EVI5: variants seen among roughly 807,000 people sequenced by gnomAD.
EVI5 encodes the protein ecotropic viral integration site 5 protein homolog.
A neutral mutation model predicts 112.0 loss-of-function variants in EVI5; 73 were observed. That is an observed-to-expected ratio of 0.65 (90% CI 0.54 to 0.79). EVI5 has a LOEUF of 0.79. Ranked by LOEUF, EVI5 falls within the 30% of genes least tolerant of loss-of-function variation. The pLI, the probability that EVI5 is intolerant of heterozygous loss-of-function variation, is 0.00. For synonymous variants in EVI5, 305 were observed against 319.9 expected (o/e 0.95, Z 0.50); for missense variants, 900 against 968.8 (o/e 0.93, Z 0.94).
chr1:92,574,593 A>G (rs1268663472), intron 18 of EVI5, among the ~76,000 whole-genome samples: 1 of 152,164 alleles, frequency 6.6e-6, no homozygotes, highest in East Asian at 1.9e-4. Context: ...ATATTGAAAA[A>G]CACTGGGGAG....
At chr1:92,588,953 G>A (rs1673246459) in intron 18 of EVI5, among the ~76,000 whole-genome samples, 1 of 152,144 alleles carries the variant, frequency 6.6e-6, no homozygotes, top group African/African-American at 2.4e-5. Flanking sequence ...TACCCTCAAT[G>A]AACTTCAGCT....
chr1:92,782,206 C>T (rs1684954820), intron 1 of EVI5, among the ~76,000 whole-genome samples: 2 of 151,748 alleles, frequency 1.3e-5, no homozygotes, highest in Admixed American at 1.3e-4. Flanking sequence ...TGCAGTGAGC[C>T]GAGATCGCGC....
chr1:92,685,920 A>G (rs79226593), intron 9 of EVI5, among the ~76,000 whole-genome samples: 1 of 152,202 alleles, frequency 6.6e-6, no homozygotes, highest in South Asian at 2.1e-4. Context: ...CCTACCAACC[A>G]AAAAAAGTCC....
intron 13 of EVI5, among the ~76,000 whole-genome samples, chr1:92,648,795 T>C (rs1239696871): frequency 6.6e-6 from 1 of 152,236 alleles, no homozygotes; most frequent in African/African-American, 2.4e-5. Flanking sequence ...GATTTTTGGG[T>C]TGTGTCCACT....
Position 92,695,464 on chromosome 1 carries a change from G to A in EVI5, c.766-11C>T. The A allele has an allele frequency of 6.4e-7, 1 of 1,560,378 alleles. No individual in the cohort carries two copies. Among genetic ancestry groups the A allele is most frequent in the Non-Finnish European group, 8.7e-7 (1 of 1,145,938 alleles). ...CTCTGGAAGATGCTCCTAAAGAGAA[G>A]AAAATAATTAGTTATAACACAGTAA... On this transcript the variant is annotated splice_polypyrimidine_tract_variant and intron_variant, in intron 6 of 19. Coordinates refer to ENST00000684568, the MANE Select transcript of EVI5 (RefSeq NM_001350197.2).
intron 19 of EVI5, among the ~76,000 whole-genome samples, chr1:92,561,601 A>ATCCT (rs757233659): frequency 5.5e-4 from 70 of 128,368 alleles, no homozygotes; most frequent in East Asian, 1.3e-3. Context: ...CTATCTATCT[A>ATCCT]ATCTATCCTA....
At chr1:92,721,048 G>C (rs931103895) in intron 2 of EVI5, among the ~76,000 whole-genome samples, 1 of 152,186 alleles carries the variant, frequency 6.6e-6, no homozygotes, top group Non-Finnish European at 1.5e-5. Context: ...AGAGGATGTG[G>C]AGAAATAGGA....
intron 14 of EVI5, 82 bp from the exon 15 acceptor site, chr1:92,626,016 A>C: frequency 1.3e-6 from 1 of 784,818 alleles, no homozygotes. Context: ...TGTGTTCCAC[A>C]CTTAAATGTA....
intron 2 of EVI5, among the ~76,000 whole-genome samples, chr1:92,718,332 C>A (rs1674125197): frequency 6.6e-6 from 1 of 152,032 alleles, no homozygotes; most frequent in African/African-American, 2.4e-5. Flanking sequence ...ACAGAAATCA[C>A]AACAAACGGT....
At chr1:92,703,646 T>C (rs754502409) in intron 3 of EVI5, 27 bp from the exon 4 acceptor site, 1 of 1,406,488 alleles carries the variant, frequency 7.1e-7, no homozygotes, top group Non-Finnish European at 9.8e-7. Flanking sequence ...ATTACAAAAA[T>C]GAATTATTTA....
chr1:92,695,322 G>T lies in EVI5; in HGVS notation c.897C>A (p.Ile299=), dbSNP rs1670136320. 2 of 1,610,540 alleles carry T rather than the reference G, an allele frequency of 1.2e-6. No homozygotes were observed. The highest frequency in any genetic ancestry group is 2.7e-5 in the African/African-American group (2 of 74,774). Residue 299 remains isoleucine (I), a synonymous_variant, in exon 7 of 20, where the codon ATC becomes ATA. Transcript: ENST00000684568. ...CCCATTAGCTTACCTCAGACATAAAGATATCAAATATCCTTGTTGCAATTG... is the reference window on the plus strand; with the variant it reads ...CCCATTAGCTTACCTCAGACATAAATATATCAAATATCCTTGTTGCAATTG... ...PLPIATRIFD[I]FMSEGLEIVF...
At chr1:92,523,923 T>G (rs1661395481) in intron 19 of EVI5, among the ~76,000 whole-genome samples, 1 of 151,758 alleles carries the variant, frequency 6.6e-6, no homozygotes, top group Non-Finnish European at 1.5e-5. Flanking sequence ...CTGACTCTAC[T>G]AAAAATATAA....
intron 19 of EVI5, among the ~76,000 whole-genome samples, chr1:92,549,691 T>C (rs1317172177): frequency 6.6e-6 from 1 of 152,148 alleles, no homozygotes; most frequent in Non-Finnish European, 1.5e-5. Context: ...GGGCAAAGCA[T>C]ATGAACAGAC....
intron 1 of EVI5, among the ~76,000 whole-genome samples, chr1:92,740,973 C>T (rs972699194): frequency 2.3e-4 from 35 of 152,216 alleles, no homozygotes; most frequent in African/African-American, 8.4e-4. Context: ...ACGTAGATTC[C>T]ATGCAACTCC....
intron 1 of EVI5, among the ~76,000 whole-genome samples, chr1:92,751,620 G>T (rs1680208948): frequency 1.3e-5 from 2 of 151,164 alleles, no homozygotes; most frequent in African/African-American, 4.9e-5. Context: ...CTTCCTGAAA[G>T]GGGTTGCATG....
At chr1:92,762,826 G>C (rs1303233920) in intron 1 of EVI5, among the ~76,000 whole-genome samples, 3 of 152,080 alleles carry the variant, frequency 2.0e-5, no homozygotes, top group Non-Finnish European at 1.5e-5. Context: ...AGAGTGGGAG[G>C]GTGGGAGGCA....
At chr1:92,672,992 T>G (rs1024918589) in intron 10 of EVI5, among the ~76,000 whole-genome samples, 8 of 152,218 alleles carry the variant, frequency 5.3e-5, no homozygotes, top group African/African-American at 1.9e-4. Flanking sequence ...GCATAATATT[T>G]GAGCTTTCTG....
intron 1 of EVI5, among the ~76,000 whole-genome samples, chr1:92,778,851 T>G (rs564433022): frequency 6.6e-6 from 1 of 152,342 alleles, no homozygotes; most frequent in East Asian, 1.9e-4. Context: ...ATCGGTTACA[T>G]GGTAAAAATC....
chr1:92,628,759 C>T (rs1401528243), intron 14 of EVI5, among the ~76,000 whole-genome samples: 1 of 152,180 alleles, frequency 6.6e-6, no homozygotes, highest in African/African-American at 2.4e-5. Flanking sequence ...AATTTTCTAT[C>T]TCTAAATATT....
Sources: allele counts gnomAD v4.1 joint callset (sites outside exome capture counted in the v4.1 genomes callset), GRCh38; gene constraint gnomAD v4.1.1; transcripts MANE v1.5; gene names NCBI Gene and HGNC (gene_info 2026-07-23, HGNC 2026-07-21).